Variants in RACGAP1 observed in about 807,000 individuals in gnomAD.
RACGAP1 encodes the protein rac GTPase-activating protein 1.
A neutral mutation model predicts 78.1 loss-of-function variants in RACGAP1; 30 were observed. That is an observed-to-expected ratio of 0.38 (90% CI 0.29 to 0.52). The LOEUF is 0.52. Ranked by LOEUF, RACGAP1 falls within the 20% of genes least tolerant of loss-of-function variation. The pLI, the probability that RACGAP1 is intolerant of heterozygous loss-of-function variation, is 0.82. For synonymous variants in RACGAP1, 231 were observed against 264.8 expected (o/e 0.87, Z 1.24); for missense variants, 587 against 777.1 (o/e 0.76, Z 2.91).
intron 6 of RACGAP1, among the ~76,000 whole-genome samples, chr12:50,001,939 A>C (rs1948700777): frequency 6.6e-6 from 1 of 151,948 alleles, no homozygotes; most frequent in South Asian, 2.1e-4. Context: ...GGTGGCAGGC[A>C]CCTGTATCCC....
intron 2 of RACGAP1, among the ~76,000 whole-genome samples, chr12:50,011,677 C>T (rs929081204): frequency 6.6e-6 from 1 of 151,902 alleles, no homozygotes; most frequent in Non-Finnish European, 1.5e-5. Context: ...CGGTGTGGGC[C>T]GGGCATGGTG....
At chr12:50,005,456 A>G in intron 3 of RACGAP1, 64 bp from the exon 4 acceptor site, 1 of 1,589,998 alleles carries the variant, frequency 6.3e-7, no homozygotes, top group Non-Finnish European at 8.6e-7. Flanking sequence ...CCTCAAGTTT[A>G]TGGGACAGGC....
chr12:50,023,750 A>AG (rs1565709064), intron 1 of RACGAP1, among the ~76,000 whole-genome samples: 1 of 152,002 alleles, frequency 6.6e-6, no homozygotes, highest in African/African-American at 2.4e-5. Flanking sequence ...AAAAAGAAAA[A>AG]GAAAAAAAAA....
At chr12:50,018,525 T>C (rs1949807967) in intron 1 of RACGAP1, 1 of 1,287,480 alleles carries the variant, frequency 7.8e-7, no homozygotes, top group Admixed American at 2.3e-5. Flanking sequence ...CCCTAAGTGC[T>C]ACAGGACAGA....
intron 2 of RACGAP1, among the ~76,000 whole-genome samples, chr12:50,007,699 T>C (rs1174900974): frequency 6.6e-6 from 1 of 152,198 alleles, no homozygotes; most frequent in Non-Finnish European, 1.5e-5. Context: ...ATATCAAACT[T>C]ACAAATCAGG....
chr12:50,026,093 G>A (rs1231950773), upstream of RACGAP1, among the ~76,000 whole-genome samples: 2 of 152,128 alleles, frequency 1.3e-5, no homozygotes, highest in Admixed American at 6.5e-5. Context: ...TTTAATAAAC[G>A]TTATTTAGAA....
At chr12:49,999,860 T>A in intron 7 of RACGAP1, 127 bp from the exon 8 acceptor site, 1 of 690,836 alleles carries the variant, frequency 1.4e-6, no homozygotes, top group Non-Finnish European at 2.5e-6. Context: ...GTCTGATACT[T>A]TTTTTTTGAG....
At chr12:50,001,727 A>G (rs944420032) in intron 6 of RACGAP1, among the ~76,000 whole-genome samples, 1 of 152,342 alleles carries the variant, frequency 6.6e-6, no homozygotes, top group South Asian at 2.1e-4. Flanking sequence ...ATGCAGCCTA[A>G]ACAGTGAAAT....
At chr12:50,017,361 T>C (rs1281536797) in intron 1 of RACGAP1, among the ~76,000 whole-genome samples, 1 of 152,226 alleles carries the variant, frequency 6.6e-6, no homozygotes, top group Non-Finnish European at 1.5e-5. Flanking sequence ...AAGGATTATG[T>C]TGTACCACAT....
intron 2 of RACGAP1, among the ~76,000 whole-genome samples, chr12:50,014,198 G>T (rs1007991643): frequency 1.3e-5 from 2 of 152,252 alleles, no homozygotes; most frequent in African/African-American, 4.8e-5. Context: ...CAGTGAGGCT[G>T]ACTTGAGAGC....
chr12:50,009,651 G>GA (rs1196770024), intron 2 of RACGAP1, among the ~76,000 whole-genome samples: 1 of 152,136 alleles, frequency 6.6e-6, no homozygotes, highest in African/African-American at 2.4e-5. Context: ...ATGAATGAAT[G>GA]AAAAGCCGCT....
intron 2 of RACGAP1, among the ~76,000 whole-genome samples, chr12:50,030,849 G>A (rs575219183): frequency 1.3e-5 from 2 of 151,338 alleles, no homozygotes; most frequent in African/African-American, 2.4e-5. Context: ...GCGTGATCTC[G>A]GCCCACTGCA....
chr12:50,015,605 T>C (rs934598093), intron 2 of RACGAP1, among the ~76,000 whole-genome samples: 6 of 151,792 alleles, frequency 4.0e-5, no homozygotes, highest in African/African-American at 1.5e-4. Context: ...ATCGAGACCA[T>C]CCTGGCTAAC....
At chr12:50,012,411 A>T (rs995034655) in intron 2 of RACGAP1, among the ~76,000 whole-genome samples, 1 of 151,678 alleles carries the variant, frequency 6.6e-6, no homozygotes. Context: ...ATACAAAAAA[A>T]TTAGCCAGGC....
chr12:50,026,709 A>G (rs11831630), upstream of RACGAP1, among the ~76,000 whole-genome samples: 9,314 of 152,286 alleles, frequency 0.061, 973 homozygotes, highest in African/African-American at 0.21. Flanking sequence ...TATTTTAGAG[A>G]CAGGGTCTTA....
chr12:49,997,270 A>C, intron 9 of RACGAP1, 66 bp from the exon 10 acceptor site: 1 of 1,348,462 alleles, frequency 7.4e-7, no homozygotes, highest in Admixed American at 3.1e-5. Context: ...ATAATCAACT[A>C]ACTTTTTTTT....
intron 2 of RACGAP1, among the ~76,000 whole-genome samples, chr12:50,013,018 G>T (rs1279008958): frequency 6.6e-6 from 1 of 152,074 alleles, no homozygotes; most frequent in Admixed American, 6.6e-5. Context: ...AGCTGAGATT[G>T]CGCCATCGCA....
chr12:50,019,554 G>A (rs1237753431), intron 1 of RACGAP1, among the ~76,000 whole-genome samples: 1 of 152,092 alleles, frequency 6.6e-6, no homozygotes, highest in African/African-American at 2.4e-5. Context: ...TTAAAAGCGG[G>A]AGAGGGAGCA....
At chr12:49,990,861 T>A in intron 15 of RACGAP1, 69 bp from the exon 16 acceptor site, 1 of 1,189,692 alleles carries the variant, frequency 8.4e-7, no homozygotes, top group Non-Finnish European at 1.2e-6. Context: ...TGGCTAGTTT[T>A]AAGCTGATTA....
Sources: gnomAD v4.1 joint callset for allele counts (sites outside exome capture counted in the v4.1 genomes callset) on GRCh38, gnomAD v4.1.1 for gene constraint, MANE v1.5 for transcripts, NCBI Gene and HGNC (gene_info 2026-07-23, HGNC 2026-07-21) for gene names.